TRAPPC9: variants seen among roughly 807,000 people sequenced by gnomAD.
TRAPPC9 encodes the protein IKK2 binding protein.
Under a neutral mutation model 124.0 loss-of-function variants are expected in TRAPPC9, and 83 were observed. The observed-to-expected ratio is 0.67, with a 90% CI of 0.56 to 0.80. The LOEUF (loss-of-function observed/expected upper bound fraction) is 0.80. Ranked by LOEUF, TRAPPC9 falls within the 30% of genes least tolerant of loss-of-function variation. The pLI is 0.00. For synonymous variants in TRAPPC9, 638 were observed against 617.5 expected, an observed-to-expected ratio of 1.03 and a Z score of -0.49; for missense variants, 1,302 against 1,508.3, an observed-to-expected ratio of 0.86 and a Z score of 2.27.
chr8:140,220,807 G>A (rs1049751351), intron 17 of TRAPPC9, among the ~76,000 whole-genome samples: 1 of 152,194 alleles, frequency 6.6e-6, no homozygotes, highest in South Asian at 2.1e-4. Flanking sequence ...CTGAACACAA[G>A]TGTGCCTGAA....
chr8:139,945,969 C>T (rs566291551), intron 19 of TRAPPC9, among the ~76,000 whole-genome samples: 1 of 152,328 alleles, frequency 6.6e-6, no homozygotes, highest in East Asian at 1.9e-4. Context: ...TACCCACCAC[C>T]TAGATTTAAC....
At chr8:140,179,120 C>T (rs1290863056) in intron 17 of TRAPPC9, among the ~76,000 whole-genome samples, 1 of 152,016 alleles carries the variant, frequency 6.6e-6, no homozygotes, top group Non-Finnish European at 1.5e-5. Flanking sequence ...TTTTCTTCTC[C>T]TTTCTAGTTA....
chr8:140,043,601 G>A (rs1841398141), intron 17 of TRAPPC9, among the ~76,000 whole-genome samples: 1 of 152,204 alleles, frequency 6.6e-6, no homozygotes, highest in South Asian at 2.1e-4. Context: ...ACATCTGAAG[G>A]AGCAGCTCTG....
At chr8:140,350,098 C>T (rs897710050) in intron 9 of TRAPPC9, among the ~76,000 whole-genome samples, 7 of 152,194 alleles carry the variant, frequency 4.6e-5, no homozygotes, top group East Asian at 1.9e-4. Context: ...GTGGGATCTG[C>T]GGCAGCCTTG....
At position 139,826,723 on chromosome 8, in the gene TRAPPC9, G is replaced by A. The variant is rs140775293; in HGVS notation, c.3055+59156C>T. Among the ~76,000 whole-genome samples the A allele has an allele frequency of 2.2e-3, 340 of 152,280 alleles. 2 individuals are homozygous for A. Among genetic ancestry groups the A allele is most frequent in the African/African-American group, 7.9e-3 (327 of 41,552 alleles). On this transcript the variant is annotated intron_variant, in intron 21 of 22. Transcript: ENST00000438773. ...GACGCCGTTCCTGTGGACTGGGGAC[G>A]CCGGGGGAAAAGCAAGGTTGGAAGG... is the stretch of plus-strand genomic sequence containing the variant.
rs114767685 is a variant in TRAPPC9, at chr8:139,879,109, C to T, written c.3055+6770G>A. Among the ~76,000 whole-genome samples the T allele has an allele frequency of 4.7e-3, 721 of 152,306 alleles. 5 individuals carry two copies. Among genetic ancestry groups the T allele is most frequent in the African/African-American group, 0.017 (690 of 41,568 alleles). On this transcript the variant is annotated intron_variant, in intron 21 of 22. Coordinates refer to ENST00000438773, the MANE Select transcript of TRAPPC9 (RefSeq NM_001160372.4). ...GGGCCCAGCCCGGCATGGCGGCCTA[C>T]GGGTGTGATAGAAACTCCCACAGGC... is the stretch of plus-strand genomic sequence containing the variant.
intron 17 of TRAPPC9, among the ~76,000 whole-genome samples, chr8:140,122,111 G>C (rs2061000853): frequency 6.6e-6 from 1 of 150,954 alleles, no homozygotes; most frequent in South Asian, 2.1e-4. Context: ...AGTCATGCTG[G>C]GAAACTTCAA....
chr8:139,813,911 G>T (rs534994202), intron 21 of TRAPPC9, among the ~76,000 whole-genome samples: 7 of 152,300 alleles, frequency 4.6e-5, no homozygotes, highest in African/African-American at 1.7e-4. Context: ...GGGGCAGAGG[G>T]CTGCAGACAG....
chr8:139,731,719 C>G (rs1436749430), intron 22 of TRAPPC9, among the ~76,000 whole-genome samples: 4 of 152,138 alleles, frequency 2.6e-5, no homozygotes, highest in Non-Finnish European at 4.4e-5. Flanking sequence ...CTGTCCTGGG[C>G]ACAGCTCCCA....
intron 21 of TRAPPC9, among the ~76,000 whole-genome samples, chr8:139,760,419 G>C (rs1820141176): frequency 6.6e-6 from 1 of 152,172 alleles, no homozygotes. Flanking sequence ...GACAGAAAGT[G>C]ACCGCACGCT....
chr8:139,851,936 C>T (rs1386508254), intron 21 of TRAPPC9, among the ~76,000 whole-genome samples: 1 of 152,140 alleles, frequency 6.6e-6, no homozygotes, highest in African/African-American at 2.4e-5. Flanking sequence ...CCTGGAGGGT[C>T]TGCCAGGGGA....
chr8:140,372,971 G>C (rs996113413), intron 7 of TRAPPC9, among the ~76,000 whole-genome samples: 3 of 152,122 alleles, frequency 2.0e-5, no homozygotes, highest in African/African-American at 7.2e-5. Flanking sequence ...ATGCCTTCAC[G>C]GGCATGCCAG....
chr8:140,231,575 C>G (rs940687500), intron 16 of TRAPPC9, among the ~76,000 whole-genome samples: 1 of 133,162 alleles, frequency 7.5e-6, no homozygotes, highest in Admixed American at 8.4e-5. Context: ...TCACTGCAAT[C>G]TCCGCCTCCT....
chr8:139,844,864 G>C (rs1826969849), intron 21 of TRAPPC9, among the ~76,000 whole-genome samples: 1 of 152,258 alleles, frequency 6.6e-6, no homozygotes, highest in Non-Finnish European at 1.5e-5. Context: ...CCAGCTGGCT[G>C]CGGCAACCTG....
intron 17 of TRAPPC9, among the ~76,000 whole-genome samples, chr8:140,077,598 T>C (rs4736134): frequency 0.66 from 99,266 of 151,478 alleles, 32,659 homozygotes; most frequent in Middle Eastern, 0.73. Context: ...AGATGCTTGC[T>C]GGGGGGACTC....
intron 17 of TRAPPC9, among the ~76,000 whole-genome samples, chr8:140,191,581 C>T (rs906364166): frequency 2.0e-5 from 3 of 152,190 alleles, no homozygotes; most frequent in Non-Finnish European, 4.4e-5. Flanking sequence ...GCTCTGGCTT[C>T]ACCTTTTGCC....
chr8:139,947,907 T>TATATATATAGATATATATAGAGAGAG, intron 19 of TRAPPC9, among the ~76,000 whole-genome samples: 1 of 60,364 alleles, frequency 1.7e-5, no homozygotes, highest in Non-Finnish European at 3.3e-5. Flanking sequence ...TATATATATA[T>TATATATATAGATATATATAGAGAGAG]AGAGAGAGAG....
chr8:140,013,003 T>C (rs1381211504), intron 18 of TRAPPC9, among the ~76,000 whole-genome samples: 1 of 152,104 alleles, frequency 6.6e-6, no homozygotes, highest in Non-Finnish European at 1.5e-5. Flanking sequence ...CCAGTTCCTT[T>C]ACACACACTG....
intron 2 of TRAPPC9, among the ~76,000 whole-genome samples, chr8:140,443,422 C>T (rs1009849375): frequency 1.3e-5 from 2 of 148,930 alleles, no homozygotes; most frequent in African/African-American, 5.0e-5. Context: ...GGCGACAGAG[C>T]AAGACTCCAT....
Sources: gnomAD v4.1 joint callset for allele counts (sites outside exome capture counted in the v4.1 genomes callset) on GRCh38, gnomAD v4.1.1 for gene constraint, MANE v1.5 for transcripts, NCBI Gene and HGNC (gene_info 2026-07-23, HGNC 2026-07-21) for gene names.